Variants in JMJD1C observed in about 807,000 individuals in gnomAD.
JMJD1C encodes the protein jumonji domain containing 1C.
JMJD1C carries 31 observed loss-of-function variants against 245.3 expected under a neutral mutation model. The observed-to-expected ratio is 0.13, with a 90% CI of 0.09 to 0.17. The LOEUF is 0.17. Ranked by LOEUF, JMJD1C falls within the 10% of genes least tolerant of loss-of-function variation. JMJD1C has a pLI of 1.00. For missense variants in JMJD1C, 2,691 were observed against 3,000.2 expected, an observed-to-expected ratio of 0.90 and a Z score of 2.41; for synonymous variants, 1,057 against 1,017.4, an observed-to-expected ratio of 1.04 and a Z score of -0.74.
chr10:63,470,042 CCT>C (rs1564955676), upstream of JMJD1C, among the ~76,000 whole-genome samples: 1 of 152,028 alleles, frequency 6.6e-6, no homozygotes, highest in African/African-American at 2.4e-5. Flanking sequence ...GGAAACCATC[CCT>C]GATTCTCAGA....
intron 22 of JMJD1C, among the ~76,000 whole-genome samples, chr10:63,181,858 T>C (rs1448945549): frequency 6.6e-6 from 1 of 152,152 alleles, no homozygotes; most frequent in Admixed American, 6.5e-5. Context: ...TTAGAAAGGA[T>C]AAATAATCTG....
intron 1 of JMJD1C, among the ~76,000 whole-genome samples, chr10:63,396,951 C>A (rs1948538155): frequency 7.1e-6 from 1 of 140,742 alleles, no homozygotes; most frequent in African/African-American, 2.6e-5. Context: ...TTTTTTGAGA[C>A]AGGGTCTCAC....
At chr10:63,272,990 T>G (rs750013413) in intron 2 of JMJD1C, among the ~76,000 whole-genome samples, 1 of 152,244 alleles carries the variant, frequency 6.6e-6, no homozygotes, top group Non-Finnish European at 1.5e-5. Flanking sequence ...AATGTACTAA[T>G]TTTTAGTAAA....
At chr10:63,415,538 T>C (rs537607089) in intron 1 of JMJD1C, among the ~76,000 whole-genome samples, 1 of 152,328 alleles carries the variant, frequency 6.6e-6, no homozygotes, top group South Asian at 2.1e-4. Flanking sequence ...TAATTTAGCA[T>C]ATTCTTAGAA....
chr10:63,204,380 T>C, intron 10 of JMJD1C: 1 of 985,060 alleles, frequency 1.0e-6, no homozygotes, highest in Non-Finnish European at 1.2e-6. Context: ...CATGTGAATA[T>C]GTATATTCGT....
chr10:63,192,801 C>T (rs979456116), intron 16 of JMJD1C, 137 bp downstream of exon 16: 1 of 671,740 alleles, frequency 1.5e-6, no homozygotes, highest in African/African-American at 1.8e-5. Flanking sequence ...TACATTGAAC[C>T]TAACCCATAA....
intron 1 of JMJD1C, among the ~76,000 whole-genome samples, chr10:63,428,238 T>C (rs1450551133): frequency 6.6e-6 from 1 of 152,228 alleles, no homozygotes; most frequent in East Asian, 1.9e-4. Context: ...AATAAAATTC[T>C]CCTTTGCAAA....
intron 1 of JMJD1C, among the ~76,000 whole-genome samples, chr10:63,510,453 T>C (rs1241700765): frequency 6.6e-6 from 1 of 152,262 alleles, no homozygotes; most frequent in Non-Finnish European, 1.5e-5. Context: ...TGAGATTCCT[T>C]CTTTGAACTA....
intron 2 of JMJD1C, among the ~76,000 whole-genome samples, chr10:63,267,550 C>T (rs868047323): frequency 7.2e-5 from 11 of 152,078 alleles, no homozygotes; most frequent in African/African-American, 2.4e-4. Flanking sequence ...AAAGATATAT[C>T]ATTCTATGAG....
At chr10:63,346,816 G>A (rs753170953) in intron 2 of JMJD1C, among the ~76,000 whole-genome samples, 2 of 151,948 alleles carry the variant, frequency 1.3e-5, no homozygotes. Context: ...GAGACTTATC[G>A]TATCATTCAG....
chr10:63,303,114 A>C (rs1860295289), intron 2 of JMJD1C, among the ~76,000 whole-genome samples: 1 of 152,134 alleles, frequency 6.6e-6, no homozygotes, highest in Non-Finnish European at 1.5e-5. Flanking sequence ...TCACTAATTC[A>C]CTAAGCATGT....
At chr10:63,194,614 C>T in intron 13 of JMJD1C, 2 of 404,048 alleles carry the variant, frequency 4.9e-6, no homozygotes, top group South Asian at 3.6e-5. Context: ...AACACTGACA[C>T]AAAATGGATA....
intron 3 of JMJD1C, among the ~76,000 whole-genome samples, chr10:63,264,229 T>A (rs916898187): frequency 4.6e-5 from 7 of 151,902 alleles, no homozygotes; most frequent in Non-Finnish European, 8.8e-5. Context: ...TCTAAAAAAA[T>A]TTCCCCTTTA....
chr10:63,518,332 C>A (rs949293265), intron 1 of JMJD1C, among the ~76,000 whole-genome samples: 1 of 152,168 alleles, frequency 6.6e-6, no homozygotes, highest in African/African-American at 2.4e-5. Context: ...TGCTTTACCA[C>A]CCTGAAACAA....
chr10:63,219,612 A>G (rs369450047), intron 4 of JMJD1C, among the ~76,000 whole-genome samples: 1 of 152,216 alleles, frequency 6.6e-6, no homozygotes, highest in African/African-American at 2.4e-5. Context: ...AAAGAATTCC[A>G]TAATATGCAG....
intron 10 of JMJD1C, chr10:63,204,819 TC>T: frequency 1.0e-6 from 1 of 985,464 alleles, no homozygotes; most frequent in Non-Finnish European, 1.2e-6. Flanking sequence ...GATTCCATCC[TC>T]CTGTTTTCCT....
chr10:63,180,917 C>A (rs527909195), intron 22 of JMJD1C, among the ~76,000 whole-genome samples: 10 of 152,122 alleles, frequency 6.6e-5, no homozygotes, highest in Admixed American at 1.3e-4. Flanking sequence ...TACAGGCGCC[C>A]GCCACTACGC....
chr10:63,332,535 A>C (rs1942267289), intron 2 of JMJD1C, among the ~76,000 whole-genome samples: 1 of 152,216 alleles, frequency 6.6e-6, no homozygotes, highest in African/African-American at 2.4e-5. Context: ...CAGAGAAAGA[A>C]ATGAATGGGA....
chr10:63,463,749 T>C (rs1952970733), intron 1 of JMJD1C, among the ~76,000 whole-genome samples: 1 of 152,296 alleles, frequency 6.6e-6, no homozygotes, highest in African/African-American at 2.4e-5. Flanking sequence ...AACGCAAAGA[T>C]AGTATCAATT....
Sources: allele counts gnomAD v4.1 joint callset (sites outside exome capture counted in the v4.1 genomes callset), GRCh38; gene constraint gnomAD v4.1.1; transcripts MANE v1.5; gene names NCBI Gene and HGNC (gene_info 2026-07-23, HGNC 2026-07-21).